ZNF423: variants seen among roughly 807,000 people sequenced by gnomAD.
ZNF423 encodes Ebf-associated zinc finger protein.
A neutral mutation model predicts 95.8 loss-of-function variants in ZNF423; 12 were observed. The ratio of observed to expected loss-of-function variants is 0.13; its 90% CI spans 0.08 to 0.20. The LOEUF (loss-of-function observed/expected upper bound fraction) is 0.20. Ranked by LOEUF, ZNF423 falls within the 10% of genes least tolerant of loss-of-function variation. The pLI is 1.00. For synonymous variants in ZNF423, 749 were observed against 711.9 expected (o/e 1.05, Z -0.83); for missense variants, 1,316 against 1,737.1 (o/e 0.76, Z 4.31).
intron 3 of ZNF423, among the ~76,000 whole-genome samples, chr16:49,653,806 C>T (rs961351183): frequency 4.6e-5 from 7 of 152,204 alleles, no homozygotes; most frequent in East Asian, 3.8e-4. Context: ...TCCCTGACTG[C>T]CTCTGTCATC....
At chr16:49,848,488 A>G (rs942024818) in intron 1 of ZNF423, among the ~76,000 whole-genome samples, 21 of 152,078 alleles carry the variant, frequency 1.4e-4, no homozygotes, top group Admixed American at 7.2e-4. Flanking sequence ...CAAACCCTCG[A>G]GAAGCACAAG....
chr16:49,650,910 C>T (rs1156568730), intron 3 of ZNF423, among the ~76,000 whole-genome samples: 1 of 152,164 alleles, frequency 6.6e-6, no homozygotes, highest in East Asian at 1.9e-4. Flanking sequence ...AGTCTGGGGG[C>T]CACCCAGTTA....
chr16:49,622,539 C>T (rs80063835), intron 5 of ZNF423, among the ~76,000 whole-genome samples: 3,819 of 152,302 alleles, frequency 0.025, 154 homozygotes, highest in African/African-American at 0.086. Context: ...AGGCAACGTC[C>T]CCCCTCTTCA....
At chr16:49,556,857 C>A (rs536064683) in intron 5 of ZNF423, among the ~76,000 whole-genome samples, 1 of 152,340 alleles carries the variant, frequency 6.6e-6, no homozygotes, top group East Asian at 1.9e-4. Context: ...GAACAGCACA[C>A]TTTACGGTGA....
At chr16:49,771,192 C>CTTTTTTTTTTTTTTT (rs71380376) in intron 2 of ZNF423, among the ~76,000 whole-genome samples, 25 of 89,432 alleles carry the variant, frequency 2.8e-4, no homozygotes, top group South Asian at 4.1e-4. Context: ...TTTTTTTTTT[C>CTTTTTTTTTTTTTTT]TTTTTTTTTT....
intron 3 of ZNF423, among the ~76,000 whole-genome samples, chr16:49,702,933 ACACACAC>A (rs2032236943): frequency 2.8e-5 from 4 of 144,310 alleles, no homozygotes; most frequent in Non-Finnish European, 6.2e-5. Context: ...ACACACACAC[ACACACAC>A]ACACACACAC....
intron 4 of ZNF423, among the ~76,000 whole-genome samples, chr16:49,628,193 T>C (rs1459093247): frequency 2.0e-5 from 3 of 148,302 alleles, no homozygotes; most frequent in Non-Finnish European, 3.0e-5. Flanking sequence ...CACCCATCCA[T>C]CCATCCTTCA....
chr16:49,536,636 A>G (rs1165621341), intron 5 of ZNF423, among the ~76,000 whole-genome samples: 3 of 152,044 alleles, frequency 2.0e-5, no homozygotes, highest in Non-Finnish European at 2.9e-5. Flanking sequence ...GGATCTTGCT[A>G]TCTTTCCCAG....
At chr16:49,787,387 G>T (rs1447386280) in intron 2 of ZNF423, among the ~76,000 whole-genome samples, 1 of 152,104 alleles carries the variant, frequency 6.6e-6, no homozygotes, top group Non-Finnish European at 1.5e-5. Flanking sequence ...CACTGCCAGG[G>T]ATGCTCTGCC....
chr16:49,593,487 G>A (rs140955959), intron 5 of ZNF423, among the ~76,000 whole-genome samples: 28 of 149,414 alleles, frequency 1.9e-4, no homozygotes, highest in African/African-American at 6.8e-4. Flanking sequence ...GTCCCTTAGA[G>A]GTCTCACCCC....
At chr16:49,505,231 G>A (rs1967581603) in intron 7 of ZNF423, among the ~76,000 whole-genome samples, 1 of 152,132 alleles carries the variant, frequency 6.6e-6, no homozygotes, top group Non-Finnish European at 1.5e-5. Context: ...CTTGAAATCA[G>A]GACTGTACTG....
intron 2 of ZNF423, among the ~76,000 whole-genome samples, chr16:49,763,811 A>G (rs1680166335): frequency 6.6e-6 from 1 of 151,998 alleles, no homozygotes; most frequent in South Asian, 2.1e-4. Flanking sequence ...TGCCCCATCC[A>G]TGTCACCATG....
intron 3 of ZNF423, among the ~76,000 whole-genome samples, chr16:49,686,355 C>A (rs1156917798): frequency 6.6e-6 from 1 of 152,190 alleles, no homozygotes; most frequent in East Asian, 1.9e-4. Flanking sequence ...GCGGGTCTCA[C>A]AGAGGCTCTG....
rs143044806 is a variant in ZNF423 at position 49,821,753 on chromosome 16, G to A, written c.41-32207C>T. Among the ~76,000 whole-genome samples the A allele has an allele frequency of 5.4e-4, 82 of 152,170 alleles. 1 individual carries two copies. In the East Asian group the frequency reaches 0.014, roughly 27 times the overall value. ...CCCTCCCCCGGTGTGTGCGAAGGCC[G>A]AGCCTGGCTGTCACTCAGGCCCTTC... On this transcript the variant is annotated intron_variant, in intron 1 of 7. Coordinates refer to ENST00000563137, the MANE Select transcript of ZNF423 (RefSeq NM_001379286.1).
intron 5 of ZNF423, among the ~76,000 whole-genome samples, chr16:49,609,766 G>A (rs888750548): frequency 6.6e-6 from 1 of 152,126 alleles, no homozygotes; most frequent in Admixed American, 6.5e-5. Context: ...GATTGAAAAT[G>A]TACTCAAAAG....
In ZNF423 at chr16:49,603,228, G is replaced by A. The variant is rs1283373212; in HGVS notation, c.3601+22942C>T. 1.3e-5 allele frequency among the ~76,000 whole-genome samples: 2 copies of A among 152,170 alleles called. No homozygotes were observed. Among genetic ancestry groups the A allele is most frequent in the African/African-American group, 2.4e-5 (1 of 41,438 alleles). ...CACAATGTAAATGGTGTCCCCTAGA[G>A]TTGTGCAGTAGACAACCTGCACAAC... On this transcript the variant is annotated intron_variant, in intron 5 of 7. Transcript: ENST00000563137. This position sits in a 1 kb window ranked among gnomAD's most constrained non-coding sequence, Gnocchi z 4.1.
intron 3 of ZNF423, among the ~76,000 whole-genome samples, chr16:49,686,347 G>A (rs1420236): frequency 0.15 from 23,265 of 152,162 alleles, 2,533 homozygotes; most frequent in South Asian, 0.3. Flanking sequence ...AGTGCAAGGC[G>A]GGTCTCACAG....
At chr16:49,833,144 G>A (rs898833108) in intron 1 of ZNF423, among the ~76,000 whole-genome samples, 4 of 152,312 alleles carry the variant, frequency 2.6e-5, no homozygotes, top group South Asian at 2.1e-4. Context: ...TGGGGTCCAC[G>A]CACAAGCTTG....
chr16:49,604,823 C>T (rs997851823), intron 5 of ZNF423, among the ~76,000 whole-genome samples: 10 of 152,144 alleles, frequency 6.6e-5, no homozygotes, highest in African/African-American at 2.2e-4. Context: ...TGGGCTGCCA[C>T]GACCACTGTC....
Sources: allele counts gnomAD v4.1 joint callset (sites outside exome capture counted in the v4.1 genomes callset), GRCh38; gene constraint gnomAD v4.1.1; non-coding constraint Gnocchi (gnomAD v3.1); transcripts MANE v1.5; gene names NCBI Gene and HGNC (gene_info 2026-07-23, HGNC 2026-07-21).